The following EPB41L4A variants were observed in gnomAD, a reference collection of about 807,000 sequenced individuals.
The protein encoded by EPB41L4A is erythrocyte membrane protein band 4.1 like 4A.
In EPB41L4A, 100 loss-of-function variants were observed where a neutral mutation model predicts 108.6. The observed-to-expected ratio is 0.92, with a 90% confidence interval of 0.78 to 1.09. The LOEUF is 1.09. Among genes scored for constraint, EPB41L4A ranks in the 50% least tolerant of loss-of-function variants. The pLI, the probability that EPB41L4A is intolerant of heterozygous loss-of-function variation, is 0.00. For missense variants in EPB41L4A, 1,030 were observed against 842.7 expected (o/e 1.22, Z -2.75); for synonymous variants, 319 against 289.0 (o/e 1.10, Z -1.05).
At chr5:112,348,264 T>C (rs1400224095) in intron 1 of EPB41L4A, among the ~76,000 whole-genome samples, 1 of 152,204 alleles carries the variant, frequency 6.6e-6, no homozygotes, top group African/African-American at 2.4e-5. Context: ...CCTTTGTCCA[T>C]TTACCACATC....
chr5:112,284,609 T>C (rs750291948), intron 2 of EPB41L4A, among the ~76,000 whole-genome samples: 75 of 152,188 alleles, frequency 4.9e-4, no homozygotes, highest in East Asian at 9.6e-4. Flanking sequence ...TCCCATTTTG[T>C]AGGAAGGTAA....
At chr5:112,238,050 GTA>G (rs1491366566) in intron 11 of EPB41L4A, among the ~76,000 whole-genome samples, 4 of 152,146 alleles carry the variant, frequency 2.6e-5, no homozygotes, top group Non-Finnish European at 2.9e-5. Context: ...GAGAAATAAA[GTA>G]TGGCTAAATT....
In EPB41L4A at chr5:112,234,637, C is replaced by G. The variant is rs929303387; in HGVS notation, c.1084G>C (p.Ala362Pro). The G allele has an allele frequency of 6.2e-7, 1 of 1,612,652 alleles. No homozygotes were observed. The highest frequency in any genetic ancestry group is 8.5e-7 in the Non-Finnish European group (1 of 1,179,008). The change falls in exon 12 of 23, where the codon GCT (alanine) becomes CCT (proline). Residue 362 changes from alanine to proline, a missense_variant. Physicochemically the swap from Ala to Pro is conservative, Grantham distance 27. Coordinates refer to ENST00000261486, the MANE Select transcript of EPB41L4A (RefSeq NM_022140.5). ...YPKRIAQTQP[A>P]ESNSISRITA... ...ACTCAGGGGAACCATGACTTACCAG[C>G]TGGCTGTGTTTGTGCTATTCGCTTA... is the stretch of plus-strand genomic sequence containing the variant.
chr5:112,251,593 CAAAAAG>C (rs1231610338), intron 9 of EPB41L4A, among the ~76,000 whole-genome samples: 7 of 151,908 alleles, frequency 4.6e-5, no homozygotes, highest in Admixed American at 3.3e-4. Context: ...CTTATCTTTA[CAAAAAG>C]AAACACAGGG....
chr5:112,381,883 G>C (rs542545348), intron 1 of EPB41L4A, among the ~76,000 whole-genome samples: 54 of 152,226 alleles, frequency 3.5e-4, no homozygotes, highest in Non-Finnish European at 6.8e-4. Flanking sequence ...TCCTCCCAAA[G>C]TGAAGGAGGA....
intron 22 of EPB41L4A, among the ~76,000 whole-genome samples, chr5:112,167,792 A>G (rs1760341264): frequency 6.6e-6 from 1 of 152,188 alleles, no homozygotes; most frequent in Non-Finnish European, 1.5e-5. Flanking sequence ...TTCAGAATCT[A>G]TCTAGGGAAC....
chr5:112,295,107 A>T (rs1279537561), intron 2 of EPB41L4A, among the ~76,000 whole-genome samples: 1 of 152,232 alleles, frequency 6.6e-6, no homozygotes, highest in Non-Finnish European at 1.5e-5. Flanking sequence ...TGTTTACACC[A>T]GTGGTCCCAG....
rs776024376 is a variant in EPB41L4A at position 112,307,458 on chromosome 5, G to A, written c.132C>T (p.His44=). The A allele has an allele frequency of 9.9e-6, 16 of 1,612,958 alleles. No homozygotes were observed. The highest frequency in any genetic ancestry group is 5.0e-5 in the Admixed American group (3 of 59,956). ...CCACAAGGTTTACGTGATGGAATAC[G>A]TGGTCAAGGACAACGGAACCTTTCG... ...KSTKGSVVLD[H]VFHHVNLVEI... The change falls in exon 2 of 23, where the codon CAC becomes CAT. Residue 44 remains histidine (H), a synonymous_variant. Coordinates refer to ENST00000261486, the MANE Select transcript of EPB41L4A (RefSeq NM_022140.5).
intron 1 of EPB41L4A, among the ~76,000 whole-genome samples, chr5:112,364,617 A>C (rs952565421): frequency 1.3e-5 from 2 of 152,214 alleles, no homozygotes; most frequent in Non-Finnish European, 2.9e-5. Context: ...ATCATGCTAT[A>C]GTTAAGCATT....
intron 1 of EPB41L4A, among the ~76,000 whole-genome samples, chr5:112,346,146 T>C (rs1019745): frequency 0.37 from 56,096 of 149,914 alleles, 11,558 homozygotes; most frequent in South Asian, 0.57. Flanking sequence ...TTCACAAAGA[T>C]ATAACCATAT....
intron 13 of EPB41L4A, among the ~76,000 whole-genome samples, chr5:112,144,854 T>C (rs1759191426): frequency 6.6e-6 from 1 of 152,162 alleles, no homozygotes; most frequent in Non-Finnish European, 1.5e-5. Context: ...CATGCCCCAC[T>C]TGAGGTTATA....
At chr5:112,251,886 C>A (rs1159362351) in intron 9 of EPB41L4A, among the ~76,000 whole-genome samples, 2 of 152,112 alleles carry the variant, frequency 1.3e-5, no homozygotes, top group East Asian at 3.8e-4. Flanking sequence ...GAAGGGAGGA[C>A]CAATCCAAGT....
intron 1 of EPB41L4A, among the ~76,000 whole-genome samples, chr5:112,316,617 CAATTAA>C (rs1755446058): frequency 1.3e-5 from 2 of 152,070 alleles, no homozygotes; most frequent in Admixed American, 6.5e-5. Context: ...TTTCTAGGTG[CAATTAA>C]TATTTATATT....
At position 112,184,138 on chromosome 5, in the gene EPB41L4A, G is replaced by T; in HGVS notation, c.1503-3C>A. On this transcript the variant is annotated splice_polypyrimidine_tract_variant and splice_region_variant and intron_variant, in intron 17 of 22. Transcript: ENST00000261486. ...CCATATCATTCTCCTGCCGTATTCTGAAAGGAAAGCCATGCATCTGAAGTT... is the reference window on the plus strand; with the variant it reads ...CCATATCATTCTCCTGCCGTATTCTTAAAGGAAAGCCATGCATCTGAAGTT... The T allele has an allele frequency of 6.2e-7, 1 of 1,613,750 alleles. No homozygotes were observed. Among genetic ancestry groups the T allele is most frequent in the Non-Finnish European group, 8.5e-7 (1 of 1,179,804 alleles).
chr5:112,349,370 G>C lies in EPB41L4A; in HGVS notation c.100-41880C>G, dbSNP rs530388072. ...GAAAGAGGCAGGGCCTCTGCACTGA[G>C]ACAAGGGCAAGAATAGAGGTGAAGG... On this transcript the variant is annotated intron_variant, in intron 1 of 22. Transcript: ENST00000261486. Among the ~76,000 whole-genome samples, 8 of 152,268 alleles carry C rather than the reference G, an allele frequency of 5.3e-5. No individual in the cohort carries two copies. In the South Asian group the frequency reaches 8.3e-4, roughly 16 times the overall value.
intron 17 of EPB41L4A, among the ~76,000 whole-genome samples, chr5:112,189,745 G>C (rs912589344): frequency 1.1e-4 from 16 of 152,112 alleles, no homozygotes; most frequent in Non-Finnish European, 4.4e-5. Flanking sequence ...AAACTTCTAA[G>C]AGCCTAGAAA....
chr5:112,357,590 A>G (rs1758444989), intron 1 of EPB41L4A, among the ~76,000 whole-genome samples: 2 of 152,236 alleles, frequency 1.3e-5, no homozygotes, highest in African/African-American at 4.8e-5. Context: ...GGACTTCTAC[A>G]GCATGACATC....
At chr5:112,161,269 C>T (rs1759882969), downstream of EPB41L4A, 8 of 333,204 alleles carry the variant, frequency 2.4e-5, no homozygotes, top group South Asian at 7.0e-5. Flanking sequence ...GTGCGGTGCT[C>T]GTCGGGAGTG....
intron 1 of EPB41L4A, among the ~76,000 whole-genome samples, chr5:112,324,755 C>T (rs374070243): frequency 6.8e-6 from 1 of 147,818 alleles, no homozygotes; most frequent in Non-Finnish European, 1.5e-5. Flanking sequence ...AGCAGTATGA[C>T]TCAAAGATGT....
Sources: gnomAD v4.1 joint callset for allele counts (sites outside exome capture counted in the v4.1 genomes callset) on GRCh38, gnomAD v4.1.1 for gene constraint, MANE v1.5 for transcripts, NCBI Gene and HGNC (gene_info 2026-07-23, HGNC 2026-07-21) for gene names.